Variants in FAM107B observed in about 807,000 individuals in gnomAD.
The protein encoded by FAM107B is family with sequence similarity 107 member B.
Under a neutral mutation model 31.5 loss-of-function variants are expected in FAM107B, and 21 were observed. That is an observed-to-expected ratio of 0.67 (90% CI 0.47 to 0.96). FAM107B has a LOEUF of 0.96. Ranked by LOEUF, FAM107B falls within the 40% of genes least tolerant of loss-of-function variation. The pLI is 0.00. For missense variants in FAM107B, 452 were observed against 377.1 expected, an observed-to-expected ratio of 1.20 and a Z score of -1.64; for synonymous variants, 157 against 141.5, an observed-to-expected ratio of 1.11 and a Z score of -0.78.
chr10:14,599,875 T>A (rs968483591), intron 2 of FAM107B, among the ~76,000 whole-genome samples: 1 of 152,228 alleles, frequency 6.6e-6, no homozygotes. Flanking sequence ...AAAAAACTCT[T>A]TTCCATCACA....
At chr10:14,539,712 A>C (rs1449706593) in intron 2 of FAM107B, among the ~76,000 whole-genome samples, 3 of 152,218 alleles carry the variant, frequency 2.0e-5, no homozygotes, top group Non-Finnish European at 4.4e-5. Flanking sequence ...AAAATGGCTT[A>C]AGGGGGGAAT....
intron 1 of FAM107B, among the ~76,000 whole-genome samples, chr10:14,688,281 G>A (rs1399398390): frequency 1.3e-5 from 2 of 152,162 alleles, no homozygotes; most frequent in African/African-American, 4.8e-5. Flanking sequence ...CCCTACTTTT[G>A]AGGTTTTGGG....
chr10:14,577,098 T>A (rs1293516590), intron 2 of FAM107B, among the ~76,000 whole-genome samples: 1 of 152,240 alleles, frequency 6.6e-6, no homozygotes, highest in Non-Finnish European at 1.5e-5. Flanking sequence ...TATGATGAAA[T>A]CTTACAGAAA....
intron 2 of FAM107B, among the ~76,000 whole-genome samples, chr10:14,583,886 T>C (rs1264410037): frequency 1.3e-5 from 2 of 151,974 alleles, no homozygotes; most frequent in African/African-American, 4.8e-5. Flanking sequence ...CAATACAAAG[T>C]ACAAAACGAC....
At chr10:14,635,105 G>C (rs1267226063) in intron 2 of FAM107B, among the ~76,000 whole-genome samples, 1 of 28,014 alleles carries the variant, frequency 3.6e-5, no homozygotes, top group Non-Finnish European at 7.1e-5. Context: ...AAAAAGAAAA[G>C]AAAAAAAAAA....
chr10:14,607,925 C>G (rs1447222695), intron 2 of FAM107B, among the ~76,000 whole-genome samples: 1 of 152,138 alleles, frequency 6.6e-6, no homozygotes, highest in Non-Finnish European at 1.5e-5. Context: ...ACAGGGTCAC[C>G]CATATACTCC....
chr10:14,568,968 G>C (rs962690055), intron 2 of FAM107B, among the ~76,000 whole-genome samples: 1 of 152,164 alleles, frequency 6.6e-6, no homozygotes, highest in Non-Finnish European at 1.5e-5. Flanking sequence ...CAGTGCATAG[G>C]TAGATTTTAA....
At chr10:14,621,939 T>A (rs138275567) in intron 2 of FAM107B, among the ~76,000 whole-genome samples, 6 of 152,322 alleles carry the variant, frequency 3.9e-5, no homozygotes, top group African/African-American at 1.4e-4. Flanking sequence ...CAATAAAATA[T>A]GTTCAAGTTG....
At chr10:14,758,818 G>C (rs1308400448) in intron 1 of FAM107B, among the ~76,000 whole-genome samples, 1 of 145,066 alleles carries the variant, frequency 6.9e-6, no homozygotes, top group Admixed American at 7.1e-5. Context: ...GCAGGCTAAA[G>C]TGAGCTAGGG....
intron 1 of FAM107B, among the ~76,000 whole-genome samples, chr10:14,721,338 T>G (rs1404004879): frequency 6.6e-6 from 1 of 152,218 alleles, no homozygotes; most frequent in Admixed American, 6.5e-5. Context: ...CAGCATGATT[T>G]ATAATCCTTT....
chr10:14,530,132 C>A, intron 3 of FAM107B, 200 bp downstream of exon 3: 1 of 569,804 alleles, frequency 1.8e-6, no homozygotes, highest in Non-Finnish European at 3.1e-6. Context: ...CACTGCTGGC[C>A]ACCACAGTGA....
intron 1 of FAM107B, among the ~76,000 whole-genome samples, chr10:14,767,425 A>C (rs1833206862): frequency 1.3e-5 from 2 of 151,860 alleles, no homozygotes; most frequent in African/African-American, 4.8e-5. Context: ...TCCTCAACAA[A>C]ATACTAGCAA....
chr10:14,644,000 T>A (rs1005147338), intron 2 of FAM107B, among the ~76,000 whole-genome samples: 12 of 152,050 alleles, frequency 7.9e-5, no homozygotes, highest in Non-Finnish European at 1.8e-4. Flanking sequence ...GAGCTGCTAT[T>A]GTATTACTTA....
intron 1 of FAM107B, among the ~76,000 whole-genome samples, chr10:14,753,799 G>C (rs1327578970): frequency 1.3e-5 from 2 of 151,976 alleles, no homozygotes; most frequent in Non-Finnish European, 2.9e-5. Flanking sequence ...TTAGTAACCA[G>C]AGAAAGTATT....
intron 1 of FAM107B, among the ~76,000 whole-genome samples, chr10:14,728,117 A>G (rs1856078442): frequency 6.6e-6 from 1 of 152,180 alleles, no homozygotes; most frequent in Non-Finnish European, 1.5e-5. Context: ...TCCACCCAAC[A>G]CAATGCTTGT....
intron 2 of FAM107B, chr10:14,554,125 A>T: frequency 1.0e-6 from 1 of 985,414 alleles, no homozygotes; most frequent in Non-Finnish European, 1.2e-6. Flanking sequence ...CATCTCAGAT[A>T]AGCTGGCCTC....
intron 1 of FAM107B, among the ~76,000 whole-genome samples, chr10:14,730,037 G>T (rs1856136161): frequency 6.6e-6 from 1 of 152,092 alleles, no homozygotes; most frequent in Non-Finnish European, 1.5e-5. Context: ...GAGGCCTGTT[G>T]GGGGGTTGGG....
At chr10:14,704,183 G>A (rs923554125) in intron 1 of FAM107B, among the ~76,000 whole-genome samples, 6 of 151,948 alleles carry the variant, frequency 3.9e-5, no homozygotes, top group Non-Finnish European at 8.8e-5. Context: ...GAGATTTTAA[G>A]GCTTAGGAGA....
chr10:14,706,608 T>C (rs931731068), intron 1 of FAM107B, among the ~76,000 whole-genome samples: 1 of 152,204 alleles, frequency 6.6e-6, no homozygotes, highest in Non-Finnish European at 1.5e-5. Context: ...TATAAATATA[T>C]ATAGCTTTTC....
Sources: allele counts gnomAD v4.1 joint callset (sites outside exome capture counted in the v4.1 genomes callset), GRCh38; gene constraint gnomAD v4.1.1; transcripts MANE v1.5; gene names NCBI Gene and HGNC (gene_info 2026-07-23, HGNC 2026-07-21).